The following DPH6 variants were observed in gnomAD, a reference collection of about 807,000 sequenced individuals.
The protein encoded by DPH6 is diphthine--ammonia ligase.
A neutral mutation model predicts 38.2 loss-of-function variants in DPH6; 33 were observed. The ratio of observed to expected loss-of-function variants is 0.86; its 90% CI spans 0.65 to 1.15. The LOEUF is 1.15. DPH6 is among the 50% of genes most tolerant of loss of function. The probability of loss-of-function intolerance (pLI) is 0.00; values close to 1 mark genes in which losing one functional copy is unlikely to be tolerated. For missense variants in DPH6, 325 were observed against 320.0 expected (o/e 1.02, Z -0.12); for synonymous variants, 108 against 103.0 (o/e 1.05, Z -0.30).
rs965195203 is a variant in DPH6, at chr15:35,372,178, C to G, written c.776G>C (p.Arg259Thr). The G allele has an allele frequency of 6.6e-7, 1 of 1,518,752 alleles. No individual in the cohort carries two copies. Among genetic ancestry groups the G allele is most frequent in the Non-Finnish European group, 8.8e-7 (1 of 1,136,534 alleles). The allele number at this position is 1,518,752 out of a possible 1,614,324, so 94.1% of individuals were successfully genotyped here. Reference protein sequence around the residue: ...DKVSSVPDNYRTSNYIYNF With the variant: ...DKVSSVPDNYTTSNYIYNF ...AAAATTATATATATAATTAGATGTT[C>G]TGTAGTTGTCAGGCACTGAGGACAC... The change falls in exon 9 of 9, where the codon AGA becomes ACA. Residue 259 changes from arginine to threonine, a missense_variant. Physicochemically the swap from Arg to Thr is moderately conservative, Grantham distance 71 (BLOSUM62 -1). Transcript: ENST00000256538.
chr15:35,223,090 T>C (rs1000757824), intron 3 of DPH6, among the ~76,000 whole-genome samples: 5 of 152,214 alleles, frequency 3.3e-5, no homozygotes, highest in Non-Finnish European at 7.3e-5. Flanking sequence ...TGTGCTGCTA[T>C]AACAGGGTAC....
At chr15:35,531,784 T>C (rs1191188537) in intron 3 of DPH6, among the ~76,000 whole-genome samples, 1 of 152,094 alleles carries the variant, frequency 6.6e-6, no homozygotes. Context: ...TTGGAATAAT[T>C]TGATACATTT....
downstream of DPH6, among the ~76,000 whole-genome samples, chr15:35,327,399 G>A (rs1309669651): frequency 6.8e-6 from 1 of 146,474 alleles, no homozygotes; most frequent in East Asian, 2.0e-4. Flanking sequence ...AGGCTGGAGT[G>A]CAGTGACGCA....
chr15:35,307,670 A>G (rs1422967159), intron 3 of DPH6, among the ~76,000 whole-genome samples: 1 of 152,178 alleles, frequency 6.6e-6, no homozygotes, highest in Non-Finnish European at 1.5e-5. Context: ...ATATAGGAGT[A>G]AAGGACCATG....
intron 3 of DPH6, among the ~76,000 whole-genome samples, chr15:35,244,691 C>A (rs1483705358): frequency 3.9e-5 from 6 of 152,076 alleles, no homozygotes; most frequent in African/African-American, 1.4e-4. Context: ...TGATTAATTA[C>A]AATTTTAAAA....
chr15:35,476,667 G>C (rs903677658), intron 3 of DPH6, among the ~76,000 whole-genome samples: 1 of 151,626 alleles, frequency 6.6e-6, no homozygotes, highest in East Asian at 1.9e-4. Flanking sequence ...AACTCATCAA[G>C]ATCTATTCTG....
At chr15:35,156,662 C>T in the DPH6 span, among the ~76,000 whole-genome samples, 3 of 152,116 alleles carry the variant, frequency 2.0e-5, no homozygotes, top group African/African-American at 7.2e-5. Flanking sequence ...GTCTTTGATT[C>T]AATTTGATGA....
At chr15:35,282,720 A>G in intron 3 of DPH6, 1 of 364,502 alleles carries the variant, frequency 2.7e-6, no homozygotes, top group Non-Finnish European at 5.6e-6. Flanking sequence ...CTTACGTGGG[A>G]AGGACAGCAG....
chr15:35,183,361 GT>G, the DPH6 span, among the ~76,000 whole-genome samples: 1 of 152,150 alleles, frequency 6.6e-6, no homozygotes, highest in Non-Finnish European at 1.5e-5. Context: ...CTTGGCTGCT[GT>G]TTCAGCAATT....
chr15:35,522,312 A>G, intron 3 of DPH6: 1 of 1,602,816 alleles, frequency 6.2e-7, no homozygotes, highest in Non-Finnish European at 8.5e-7. Flanking sequence ...CGTGGCAATC[A>G]GAGGTTTAGG....
intron 3 of DPH6, among the ~76,000 whole-genome samples, chr15:35,297,040 T>C (rs1017344570): frequency 6.6e-6 from 1 of 152,140 alleles, no homozygotes; most frequent in African/African-American, 2.4e-5. Flanking sequence ...CACAATAGAA[T>C]TATCCCTGCT....
intron 3 of DPH6, among the ~76,000 whole-genome samples, chr15:35,259,688 A>G (rs953615243): frequency 1.3e-5 from 2 of 152,228 alleles, no homozygotes; most frequent in Admixed American, 1.3e-4. Context: ...TCCTCTCCAA[A>G]ATAAAGCTAC....
chr15:35,452,712 T>C (rs1172916550), intron 4 of DPH6, among the ~76,000 whole-genome samples: 1 of 152,124 alleles, frequency 6.6e-6, no homozygotes, highest in Non-Finnish European at 1.5e-5. Flanking sequence ...AGTTAATAAA[T>C]ACAAAAAGAA....
At chr15:35,293,885 T>G (rs2051996457) in intron 3 of DPH6, among the ~76,000 whole-genome samples, 1 of 152,228 alleles carries the variant, frequency 6.6e-6, no homozygotes, top group Non-Finnish European at 1.5e-5. Flanking sequence ...TAGCTAATTC[T>G]GCATCATTGT....
chr15:35,403,904 C>T (rs1446916036), intron 6 of DPH6, among the ~76,000 whole-genome samples: 5 of 151,554 alleles, frequency 3.3e-5, no homozygotes, highest in African/African-American at 1.2e-4. Flanking sequence ...TGGTAACCAT[C>T]CTTTTAGTTT....
At chr15:35,305,779 A>G (rs1595469578) in intron 3 of DPH6, among the ~76,000 whole-genome samples, 1 of 152,216 alleles carries the variant, frequency 6.6e-6, no homozygotes, top group East Asian at 1.9e-4. Context: ...GACACAAAAT[A>G]TAATTACATT....
At chr15:35,543,770 CT>C (rs1191550514) in intron 1 of DPH6, among the ~76,000 whole-genome samples, 1 of 152,162 alleles carries the variant, frequency 6.6e-6, no homozygotes, top group East Asian at 1.9e-4. Context: ...TCCATTCTTC[CT>C]CTCTTCAGGT....
intron 6 of DPH6, among the ~76,000 whole-genome samples, chr15:35,410,420 A>G (rs1213564456): frequency 2.0e-5 from 3 of 151,734 alleles, no homozygotes; most frequent in Non-Finnish European, 4.4e-5. Flanking sequence ...TTTTTTTACT[A>G]TGCTGCAAGT....
rs147960029 is a variant in DPH6 at position 35,402,120 on chromosome 15, T to G, written c.567+8715A>C. ...ATGTGTCTTTTTAAAAAACGTGTTGTGTAGTTAGTCTACTCTGAAGCCATC... is the reference window on the plus strand; with the variant it reads ...ATGTGTCTTTTTAAAAAACGTGTTGGGTAGTTAGTCTACTCTGAAGCCATC... On this transcript the variant is annotated intron_variant, in intron 6 of 8. Transcript: ENST00000256538. Among the ~76,000 whole-genome samples the G allele has an allele frequency of 1.2e-3, 189 of 152,346 alleles. 5 individuals are homozygous for G. Among genetic ancestry groups the G allele is most frequent in the African/African-American group, 3.9e-3 (162 of 41,592 alleles).
Sources: allele counts gnomAD v4.1 joint callset (sites outside exome capture counted in the v4.1 genomes callset), GRCh38; gene constraint gnomAD v4.1.1; transcripts MANE v1.5; gene names NCBI Gene and HGNC (gene_info 2026-07-23, HGNC 2026-07-21).